The following CD101 variants were observed in gnomAD, a reference collection of about 807,000 sequenced individuals.
CD101 encodes CD101 molecule, also known as immunoglobulin superfamily member 2.
Under a neutral mutation model 98.2 loss-of-function variants are expected in CD101, and 76 were observed. The observed-to-expected ratio is 0.77, with a 90% CI of 0.64 to 0.94. The LOEUF is 0.94. CD101 is among the 40% of genes least tolerant of loss of function. The pLI is 0.00. For missense variants in CD101, 1,145 were observed against 1,218.8 expected (o/e 0.94, Z 0.90); for synonymous variants, 471 against 472.7 (o/e 1.00, Z 0.05).
intron 8 of CD101, among the ~76,000 whole-genome samples, chr1:117,028,457 G>T (rs17587765): frequency 0.16 from 24,978 of 152,232 alleles, 2,484 homozygotes; most frequent in Middle Eastern, 0.28. Context: ...ACTGAGTTCA[G>T]AGTAACTGTG....
In CD101 at chr1:117,021,818, A is replaced by C; in HGVS notation, c.2263A>C (p.Lys755Gln). Reference sequence around the variant, plus strand: ...GAGAAAACAAAAATTTCATACTGAGAAGGTTTCCCAAGACTTATTTCAGCT... The same window carrying C: ...GAGAAAACAAAAATTTCATACTGAGCAGGTTTCCCAAGACTTATTTCAGCT... ...PQRKQKFHTE[K>Q]VSQDLFQLHI... is the part of the protein sequence containing the mutation. Residue 755 changes from lysine to glutamine, a missense_variant, in exon 7 of 10, where the codon AAG (lysine) becomes CAG (glutamine). Lys to Gln is a moderately conservative substitution (Grantham distance 53). Coordinates refer to ENST00000682167, the MANE Select transcript of CD101 (RefSeq NM_001256106.3). The surrounding 1 kb of genome is among the most constrained non-coding windows in gnomAD (Gnocchi z 4.7). 2 of 1,614,092 alleles carry C rather than the reference A, an allele frequency of 1.2e-6. No individual in the cohort carries two copies. The highest frequency in any genetic ancestry group is 8.5e-7 in the Non-Finnish European group (1 of 1,180,038).
Position 117,017,331 on chromosome 1 carries a change from C to G in CD101, c.1470C>G (p.Asp490Glu), listed in dbSNP as rs751898623. 1 of 1,614,250 alleles carries G rather than the reference C, an allele frequency of 6.2e-7. No individual in the cohort carries two copies. The highest frequency in any genetic ancestry group is 8.5e-7 in the Non-Finnish European group (1 of 1,180,048). Residue 490 changes from aspartate to glutamate, a missense_variant, in exon 5 of 10, where the codon GAC becomes GAG. Physicochemically the swap from Asp to Glu is conservative, Grantham distance 45. Coordinates refer to ENST00000682167, the MANE Select transcript of CD101 (RefSeq NM_001256106.3). ...YHGNTRLEKM[D>E]WATFQLEITF... is the part of the protein sequence containing the mutation. ...GCAACACAAGGCTGGAGAAAATGGACTGGGCCACCTTCCAGCTGGAGATCA... is the reference window on the plus strand; with the variant it reads ...GCAACACAAGGCTGGAGAAAATGGAGTGGGCCACCTTCCAGCTGGAGATCA...
chr1:117,029,680 C>G (rs768089377), intron 8 of CD101, among the ~76,000 whole-genome samples: 2 of 152,218 alleles, frequency 1.3e-5, no homozygotes, highest in Admixed American at 1.3e-4. Context: ...CTGTTGAGTA[C>G]CAGGTCTATG....
rs1570752881 is a variant in CD101, at chr1:117,033,761, A to G, written c.2825-99A>G. 3.3e-6 allele frequency: 5 copies of G among 1,517,372 alleles called. No individual in the cohort carries two copies. Among genetic ancestry groups the G allele is most frequent in the Admixed American group, 1.9e-5 (1 of 54,010 alleles). 94.0% of individuals were successfully genotyped at this position (1,517,372 alleles called of 1,614,324 possible). ...TGCTATTTGGCCCCATTATTTTTAC[A>G]TATACTTGCCTATAACAATAAATCC... is the stretch of plus-strand genomic sequence containing the variant. On this transcript the variant is annotated intron_variant, in intron 8 of 9. Coordinates refer to ENST00000682167, the MANE Select transcript of CD101 (RefSeq NM_001256106.3). The surrounding 1 kb of genome is among the most constrained non-coding windows in gnomAD (Gnocchi z 4.8).
rs79400313 is a variant in CD101, at chr1:117,011,183, T to C, written c.425-367T>C. Among the ~76,000 whole-genome samples the C allele has an allele frequency of 8.0e-3, 1,217 of 152,288 alleles. 9 individuals are homozygous for C. The highest frequency in any genetic ancestry group is 0.028 in the African/African-American group (1,152 of 41,554). The stretch of plus-strand genomic sequence containing the variant: ...TAAGGCCCAGGGAGGTGAAGTGACA[T>C]GCCCAAGTCCACGTAGTAGGGATGG... On this transcript the variant is annotated intron_variant, in intron 2 of 9. Coordinates refer to ENST00000682167, the MANE Select transcript of CD101 (RefSeq NM_001256106.3).
At chr1:117,034,768 C>A (rs972095771) in intron 9 of CD101, among the ~76,000 whole-genome samples, 3 of 152,146 alleles carry the variant, frequency 2.0e-5, no homozygotes, top group Non-Finnish European at 2.9e-5. Flanking sequence ...TTTGATAAGA[C>A]TTTTTATTAA....
rs754525456 is a variant in CD101 at position 117,018,216 on chromosome 1, TTGACC to T, written c.1676_1680del (p.Asp559ValfsTer10). 5.6e-6 allele frequency: 9 copies of T among 1,614,094 alleles called. No individual in the cohort carries two copies. Among genetic ancestry groups the T allele is most frequent in the Non-Finnish European group, 7.6e-6 (9 of 1,179,966 alleles). On this transcript the variant is annotated frameshift_variant, in exon 6 of 10. Transcript: ENST00000682167. LOFTEE classifies it high-confidence loss of function. This position sits in a 1 kb window ranked among gnomAD's most constrained non-coding sequence, Gnocchi z 4.3. ...CCGCAAGTGATGTTAACCAACACCT[TTGACC>T]TGTCCTGTGTCGTGAGGGCCGGTTA...
At position 117,022,035 on chromosome 1, in the gene CD101, T is replaced by C; in HGVS notation, c.2428+52T>C. The C allele has an allele frequency of 6.5e-7, 1 of 1,540,130 alleles. No individual in the cohort carries two copies. Among genetic ancestry groups the C allele is most frequent in the Non-Finnish European group, 8.7e-7 (1 of 1,144,314 alleles). On this transcript the variant is annotated intron_variant, in intron 7 of 9. Coordinates refer to ENST00000682167, the MANE Select transcript of CD101 (RefSeq NM_001256106.3). This position sits in a 1 kb window ranked among gnomAD's most constrained non-coding sequence, Gnocchi z 4.8. ...ATGTCTGTCTGTCTGACGGCTGTTT[T>C]CTCTTGGGCAGCTGTTCTATGGAGT...
rs974175648 is a variant in CD101 at position 117,023,651 on chromosome 1, A to C, written c.2428+1668A>C. Among the ~76,000 whole-genome samples the C allele has an allele frequency of 6.6e-6, 1 of 152,074 alleles. No individual in the cohort carries two copies. The highest frequency in any genetic ancestry group is 2.4e-5 in the African/African-American group (1 of 41,404). Reference sequence around the variant, plus strand: ...AGGCTGGTCTTGAACTCCTGACCTCAGGTGATCCACCTGCCTTGGCCTCCC... The same window carrying C: ...AGGCTGGTCTTGAACTCCTGACCTCCGGTGATCCACCTGCCTTGGCCTCCC... On this transcript the variant is annotated intron_variant, in intron 7 of 9. Coordinates refer to ENST00000682167, the MANE Select transcript of CD101 (RefSeq NM_001256106.3). The surrounding 1 kb of genome is among the most constrained non-coding windows in gnomAD (Gnocchi z 4.4).
rs535923905 is a variant in CD101 at position 117,029,995 on chromosome 1, G to T, written c.2825-3865G>T. On this transcript the variant is annotated intron_variant, in intron 8 of 9. Transcript: ENST00000682167. ...ATTAAATGTCTTATTCTAGAGAATT[G>T]TCTGTGATTAATTGATAGGCCAGGC... Among the ~76,000 whole-genome samples the T allele has an allele frequency of 5.3e-5, 8 of 152,274 alleles. No homozygotes were observed. In the South Asian group the frequency reaches 1.7e-3, roughly 32 times the overall value.
At chr1:117,007,174 T>C (rs1421252947) in intron 1 of CD101, among the ~76,000 whole-genome samples, 1 of 152,136 alleles carries the variant, frequency 6.6e-6, no homozygotes, top group Non-Finnish European at 1.5e-5. Context: ...TTAAAATTTG[T>C]TAAACAAATT....
chr1:117,012,060 G>A lies in CD101; in HGVS notation c.841+94G>A, dbSNP rs1652927540. 8.3e-7 allele frequency: 1 copy of A among 1,211,682 alleles called. No individual in the cohort carries two copies. 75.1% of individuals were successfully genotyped at this position (1,211,682 alleles called of 1,614,324 possible). ...TAATTTTTGTTCTAATCTTTTGTTG[G>A]CTCTAAAAAATTGGCTAGAAAGTTT... On this transcript the variant is annotated intron_variant, in intron 3 of 9. Coordinates refer to ENST00000682167, the MANE Select transcript of CD101 (RefSeq NM_001256106.3). The surrounding 1 kb of genome is among the most constrained non-coding windows in gnomAD (Gnocchi z 4.0).
In CD101 at chr1:117,022,437, A is replaced by T. The variant is rs184569225; in HGVS notation, c.2428+454A>T. On this transcript the variant is annotated intron_variant, in intron 7 of 9. Transcript: ENST00000682167. This position sits in a 1 kb window ranked among gnomAD's most constrained non-coding sequence, Gnocchi z 4.8. Reference sequence around the variant, plus strand: ...CTTCTCAACATTTAGCTGCCTAAACATAAGGCAAATAAGAGTAGTTAACTG... The same window carrying T: ...CTTCTCAACATTTAGCTGCCTAAACTTAAGGCAAATAAGAGTAGTTAACTG... Among the ~76,000 whole-genome samples, 89 of 152,336 alleles carry T rather than the reference A, an allele frequency of 5.8e-4. No individual in the cohort carries two copies. Among genetic ancestry groups the T allele is most frequent in the Non-Finnish European group, 9.1e-4 (62 of 68,020 alleles).
rs41275580 is a variant in CD101, at chr1:117,010,286, A to T, written c.424+56A>T. ...CCCCTGAGAAGCCAGAGTCTCCACC[A>T]TGACAATATCTTGCAATATGACATG... On this transcript the variant is annotated intron_variant, in intron 2 of 9. Coordinates refer to ENST00000682167, the MANE Select transcript of CD101 (RefSeq NM_001256106.3). The surrounding 1 kb of genome is among the most constrained non-coding windows in gnomAD (Gnocchi z 5.2). 339 of 1,539,636 alleles carry T rather than the reference A, an allele frequency of 2.2e-4. No individual in the cohort carries two copies. The highest frequency in any genetic ancestry group is 2.7e-4 in the Non-Finnish European group (312 of 1,137,334).
At chr1:117,016,686 G>T (rs142866684) in intron 4 of CD101, among the ~76,000 whole-genome samples, 1 of 152,098 alleles carries the variant, frequency 6.6e-6, no homozygotes, top group East Asian at 1.9e-4. Context: ...AAGAGAGACC[G>T]TATCTCTACA....
Position 117,010,734 on chromosome 1 carries a change from G to A in CD101, c.424+504G>A, listed in dbSNP as rs574715630. ...TGGAATATCTATCACCCCCTTTTCA[G>A]CTTAACAAACTCCTACATATACTTC... On this transcript the variant is annotated intron_variant, in intron 2 of 9. Coordinates refer to ENST00000682167, the MANE Select transcript of CD101 (RefSeq NM_001256106.3). This position sits in a 1 kb window ranked among gnomAD's most constrained non-coding sequence, Gnocchi z 5.2. Among the ~76,000 whole-genome samples, 5 of 152,308 alleles carry A rather than the reference G, an allele frequency of 3.3e-5. No homozygotes were observed. In the South Asian group the frequency reaches 8.3e-4, roughly 25 times the overall value.
intron 8 of CD101, among the ~76,000 whole-genome samples, chr1:117,029,187 GAAAGAAAGAAA>G (rs1557778728): frequency 2.2e-5 from 2 of 92,844 alleles, no homozygotes; most frequent in South Asian, 3.6e-4. Flanking sequence ...AAGAAAGAAA[GAAAGAAAGAAA>G]GAAAGAAAAG....
chr1:117,020,072 G>A (rs1208093523), intron 6 of CD101, among the ~76,000 whole-genome samples: 1 of 151,790 alleles, frequency 6.6e-6, no homozygotes, highest in African/African-American at 2.4e-5. Flanking sequence ...CTTTTGTGTG[G>A]CAATCCTTAA....
rs555668885 is a variant in CD101, at chr1:117,020,873, G to C, written c.2018-700G>C. Among the ~76,000 whole-genome samples, 9 of 152,336 alleles carry C rather than the reference G, an allele frequency of 5.9e-5. No individual in the cohort carries two copies. In the South Asian group the frequency reaches 1.9e-3, roughly 32 times the overall value. On this transcript the variant is annotated intron_variant, in intron 6 of 9. Transcript: ENST00000682167. ...ATCAATAAGCAGTTAAAAAAGTAGA[G>C]TGGGTGATGTCAGCAAGATGCTAGA...
Sources: gnomAD v4.1 joint callset for allele counts (sites outside exome capture counted in the v4.1 genomes callset) on GRCh38, gnomAD v4.1.1 for gene constraint, Gnocchi (gnomAD v3.1) non-coding constraint, MANE v1.5 for transcripts, NCBI Gene and HGNC (gene_info 2026-07-23, HGNC 2026-07-21) for gene names.